The following FUS variants were observed in gnomAD, a reference collection of about 807,000 sequenced individuals.
FUS encodes FUS RNA binding protein.
Under a neutral mutation model 82.7 loss-of-function variants are expected in FUS, and 5 were observed. The observed-to-expected ratio is 0.06, with a 90% CI of 0.03 to 0.13. The LOEUF (loss-of-function observed/expected upper bound fraction) is 0.13. FUS is among the 10% of genes least tolerant of loss of function. The pLI is 1.00. For missense variants in FUS, 512 were observed against 707.8 expected (o/e 0.72, Z 3.14); for synonymous variants, 281 against 247.4 (o/e 1.14, Z -1.27).
intron 14 of FUS, 100 bp from the exon 15 acceptor site, chr16:31,191,299 C>G: frequency 6.6e-7 from 1 of 1,524,022 alleles, no homozygotes. Flanking sequence ...AGATAAGATA[C>G]TCGCTGGGTT....
chr16:31,181,329 G>A (rs1208298703), intron 1 of FUS, among the ~76,000 whole-genome samples: 4 of 152,226 alleles, frequency 2.6e-5, no homozygotes, highest in Non-Finnish European at 5.9e-5. Context: ...CCTGTGCTGG[G>A]AGGATGAGTT....
intron 1 of FUS, among the ~76,000 whole-genome samples, chr16:31,181,096 G>C (rs375141772): frequency 6.6e-6 from 1 of 152,136 alleles, no homozygotes; most frequent in Non-Finnish European, 1.5e-5. Flanking sequence ...GTGTTTCTTA[G>C]TAGGGGCGGG....
At chr16:31,188,199 C>T (rs1270934272) in intron 7 of FUS, 126 bp from the exon 8 acceptor site, 2 of 1,018,222 alleles carry the variant, frequency 2.0e-6, no homozygotes, top group East Asian at 2.5e-5. Context: ...TGAGCACTTA[C>T]TTGATATTTT....
chr16:31,188,276 T>C (rs772778044), intron 7 of FUS, 49 bp from the exon 8 acceptor site: 7 of 1,599,348 alleles, frequency 4.4e-6, no homozygotes, highest in Non-Finnish European at 5.1e-6. Flanking sequence ...CGGCTCATCT[T>C]TTCCTTGTTT....
chr16:31,184,865 C>T (rs1277211384), intron 5 of FUS, 74 bp from the exon 6 acceptor site: 18 of 1,512,526 alleles, frequency 1.2e-5, no homozygotes, highest in East Asian at 9.0e-5. Flanking sequence ...ACTTGTCAAA[C>T]CTTTTCAAAC....
chr16:31,190,305 G>C lies in FUS; in HGVS notation c.1199G>C (p.Gly400Ala), dbSNP rs2144135739. Reference protein sequence around the residue: ...GPMGRGGYGGGGSGGGGRGGF... With the variant: ...GPMGRGGYGGAGSGGGGRGGF... Reference sequence around the variant, plus strand: ...ATGGGCCGTGGAGGCTATGGAGGTGGTGGCAGTGGTGGTGGTGGCCGAGGA... The same window carrying C: ...ATGGGCCGTGGAGGCTATGGAGGTGCTGGCAGTGGTGGTGGTGGCCGAGGA... Residue 400 changes from glycine (G) to alanine (A), a missense_variant, in exon 12 of 15, where the codon GGT becomes GCT. This residue lies in a region of FUS where 63 missense variants were observed against 83.0 expected (regional missense o/e 0.76). Coordinates refer to ENST00000254108, the MANE Select transcript of FUS (RefSeq NM_004960.4). 1 of 1,614,196 alleles carries C rather than the reference G, an allele frequency of 6.2e-7. No individual in the cohort carries two copies. Among genetic ancestry groups the C allele is most frequent in the East Asian group, 2.2e-5 (1 of 44,886 alleles).
intron 14 of FUS, 71 bp from the exon 15 acceptor site, chr16:31,191,328 G>C (rs2079355101): frequency 6.3e-7 from 1 of 1,587,958 alleles, no homozygotes; most frequent in Non-Finnish European, 8.6e-7. Context: ...GGGGCAGATA[G>C]GATATCTAGG....
chr16:31,187,992 T>A, intron 7 of FUS: 1 of 396,438 alleles, frequency 2.5e-6, no homozygotes, highest in Non-Finnish European at 4.6e-6. Context: ...CAAGCTGAGT[T>A]GGTTTGTTCA....
At chr16:31,185,206 T>A in intron 6 of FUS, 27 bp downstream of exon 6, 1 of 1,590,840 alleles carries the variant, frequency 6.3e-7, no homozygotes, top group Non-Finnish European at 8.6e-7. Flanking sequence ...CCAGGGAGTA[T>A]CTTTGGTGGG....
At chr16:31,187,250 G>A (rs147563969) in intron 7 of FUS, 190 of 304,170 alleles carry the variant, frequency 6.2e-4, no homozygotes, top group Middle Eastern at 2.0e-3. Flanking sequence ...AACTCCGAAT[G>A]TTTAATTCTG....
downstream of FUS, chr16:31,193,783 C>G (rs1396640057): frequency 5.7e-6 from 3 of 528,326 alleles, no homozygotes; most frequent in Non-Finnish European, 1.1e-5. Context: ...CAGGTGCTTC[C>G]TCGCTACCAC....
chr16:31,188,935 C>T (rs1398360567), intron 8 of FUS, 188 bp from the exon 9 acceptor site: 9 of 621,612 alleles, frequency 1.4e-5, no homozygotes, highest in Non-Finnish European at 2.3e-5. Context: ...GGATAATTGT[C>T]AAACTGAATC....
Position 31,184,382 on chromosome 16 carries a change from GAGGTGGAGGTGGAGGTGA to G in FUS, c.510_523+4del. 1.2e-6 allele frequency: 2 copies of G among 1,613,300 alleles called. No homozygotes were observed. Among genetic ancestry groups the G allele is most frequent in the Non-Finnish European group, 1.7e-6 (2 of 1,179,518 alleles). ...AACAGCAGCAGTGGTGGTGGAGGTG[GAGGTGGAGGTGGAGGTGA>G]GATGTCTTCAGCTTTGTCTGCAGCC... On this transcript the variant is annotated splice_donor_variant and splice_donor_region_variant and coding_sequence_variant and intron_variant, in exon 5 of 15. Coordinates refer to ENST00000254108, the MANE Select transcript of FUS (RefSeq NM_004960.4). LOFTEE classifies it high-confidence loss of function.
intron 8 of FUS, 61 bp from the exon 9 acceptor site, chr16:31,189,061 GT>G (rs1346976353): frequency 7.6e-7 from 1 of 1,317,138 alleles, no homozygotes; most frequent in Admixed American, 1.7e-5. Flanking sequence ...GGTGCTTTAG[GT>G]TTTTTCCTGT....
At chr16:31,194,329 C>G (rs2079396970), downstream of FUS, 6 of 522,368 alleles carry the variant, frequency 1.1e-5, no homozygotes, top group Non-Finnish European at 2.2e-5. Context: ...CTCACTCTCA[C>G]CCAGGCTGGA....
Position 31,191,014 on chromosome 16 carries a change from G to T in FUS, c.1445G>T (p.Gly482Val). 6.2e-7 allele frequency: 1 copy of T among 1,613,972 alleles called. No individual in the cohort carries two copies. Residue 482 changes from glycine (G) to valine (V), a missense_variant, in exon 14 of 15, where the codon GGC (glycine) becomes GTC (valine). This residue lies in a region of FUS where 96 missense variants were observed against 120.7 expected (regional missense o/e 0.80). Coordinates refer to ENST00000254108, the MANE Select transcript of FUS (RefSeq NM_004960.4). The part of the protein sequence containing the change: ...RRGGRGGYDR[G>V]GYRGRGGDRG... Reference sequence around the variant, plus strand: ...GGTGGCAGAGGAGGCTATGATCGAGGCGGCTACCGGGGCCGCGGCGGGGAC... The same window carrying T: ...GGTGGCAGAGGAGGCTATGATCGAGTCGGCTACCGGGGCCGCGGCGGGGAC...
At chr16:31,193,581 C>T (rs1217908864), downstream of FUS, 5 of 529,718 alleles carry the variant, frequency 9.4e-6, no homozygotes, top group African/African-American at 9.3e-5. Flanking sequence ...TGTCAAGTTC[C>T]TGTGTCCTTC....
downstream of FUS, chr16:31,194,110 C>T (rs761503958): frequency 1.9e-6 from 1 of 533,464 alleles, no homozygotes; most frequent in South Asian, 1.5e-5. Context: ...TCAGTTAGCC[C>T]TTTCAGCTTT....
Position 31,186,813 on chromosome 16 carries a change from G to GT in FUS, c.777dup (p.Gly260TrpfsTer5). 6.2e-7 allele frequency: 1 copy of GT among 1,614,108 alleles called. No individual in the cohort carries two copies. Among genetic ancestry groups the GT allele is most frequent in the Non-Finnish European group, 8.5e-7 (1 of 1,179,928 alleles). The stretch of plus-strand genomic sequence containing the variant: ...CTTGTCTTCTCCAGCGGAAGTGACC[G>GT]TGGTGGCTTCAATAAATTTGGTGGT... On this transcript the variant is annotated frameshift_variant, in exon 7 of 15. Coordinates refer to ENST00000254108, the MANE Select transcript of FUS (RefSeq NM_004960.4). LOFTEE classifies it high-confidence loss of function.
Sources: allele counts gnomAD v4.1 joint callset (sites outside exome capture counted in the v4.1 genomes callset), GRCh38; gene constraint gnomAD v4.1.1; regional missense constraint gnomAD v4.1.1; transcripts MANE v1.5; gene names NCBI Gene and HGNC (gene_info 2026-07-23, HGNC 2026-07-21).